FBXO38: variants seen among roughly 807,000 people sequenced by gnomAD.
FBXO38 encodes the protein F-box only protein 38.
Under a neutral mutation model 131.9 loss-of-function variants are expected in FBXO38, and 53 were observed. The ratio of observed to expected loss-of-function variants is 0.40; its 90% CI spans 0.32 to 0.51. The LOEUF (loss-of-function observed/expected upper bound fraction) is 0.51, where lower values mean the gene tolerates loss of function less well. Ranked by LOEUF, FBXO38 falls within the 20% of genes least tolerant of loss-of-function variation. FBXO38 has a pLI of 0.53. For missense variants in FBXO38, 1,076 were observed against 1,475.6 expected, an observed-to-expected ratio of 0.73 and a Z score of 4.44; for synonymous variants, 452 against 505.6, an observed-to-expected ratio of 0.89 and a Z score of 1.42.
intron 1 of FBXO38, among the ~76,000 whole-genome samples, chr5:148,384,311 C>T (rs1757796872): frequency 1.3e-5 from 2 of 152,196 alleles, no homozygotes; most frequent in South Asian, 4.1e-4. Context: ...CCCCAGTTTC[C>T]TCAATGAAAT....
At chr5:148,438,605 A>G in intron 18 of FBXO38, 107 bp downstream of exon 18, 2 of 1,133,002 alleles carry the variant, frequency 1.8e-6, no homozygotes, top group Non-Finnish European at 2.5e-6. Flanking sequence ...TCACTTGCCC[A>G]ACCTACAGTA....
At chr5:148,428,192 G>A (rs779930473) in intron 15 of FBXO38, among the ~76,000 whole-genome samples, 41 of 152,202 alleles carry the variant, frequency 2.7e-4, no homozygotes, top group Non-Finnish European at 5.7e-4. Context: ...ATGTCATTGT[G>A]TATATTTACC....
intron 15 of FBXO38, among the ~76,000 whole-genome samples, chr5:148,431,269 C>T (rs1440259413): frequency 6.6e-6 from 1 of 152,206 alleles, no homozygotes; most frequent in Non-Finnish European, 1.5e-5. Flanking sequence ...AATTAATTGT[C>T]TCTAAACAGG....
chr5:148,416,878 A>T, intron 11 of FBXO38, 116 bp from the exon 12 acceptor site: 1 of 661,816 alleles, frequency 1.5e-6, no homozygotes, highest in African/African-American at 1.8e-5. Flanking sequence ...GCATTTCATA[A>T]ATAAGTACTA....
chr5:148,432,471 A>G (rs1369989635), intron 15 of FBXO38, among the ~76,000 whole-genome samples: 1 of 152,174 alleles, frequency 6.6e-6, no homozygotes, highest in Admixed American at 6.5e-5. Context: ...CCTGGTTCCC[A>G]TTTAACACTG....
At chr5:148,393,871 ACAAT>A (rs1353130167) in intron 1 of FBXO38, among the ~76,000 whole-genome samples, 1 of 152,128 alleles carries the variant, frequency 6.6e-6, no homozygotes, top group East Asian at 1.9e-4. Flanking sequence ...AGACAATTTG[ACAAT>A]CAAGGTGTTA....
chr5:148,401,126 G>A (rs1752128175), intron 3 of FBXO38, among the ~76,000 whole-genome samples: 1 of 152,096 alleles, frequency 6.6e-6, no homozygotes, highest in African/African-American at 2.4e-5. Flanking sequence ...GTTCTTGACA[G>A]TTAATGTTTT....
chr5:148,402,029 G>T lies in FBXO38; in HGVS notation c.310G>T (p.Val104Phe). Residue 104 changes from valine (V) to phenylalanine (F), a missense_variant, in exon 4 of 22, where the codon GTT becomes TTT. Transcript: ENST00000340253. Reference protein sequence around the residue: ...FLTLLKKMPDVEQLYGLHPRY... With the variant: ...FLTLLKKMPDFEQLYGLHPRY... ...AACACTATTAAAGAAGATGCCAGATGTTGAACAGCTATATGGCCTTCACCC... is the reference window on the plus strand; with the variant it reads ...AACACTATTAAAGAAGATGCCAGATTTTGAACAGCTATATGGCCTTCACCC... 1 of 1,613,316 alleles carries T rather than the reference G, an allele frequency of 6.2e-7. No homozygotes were observed. Among genetic ancestry groups the T allele is most frequent in the Non-Finnish European group, 8.5e-7 (1 of 1,179,410 alleles).
At chr5:148,434,778 CTT>C (rs1754248153) in intron 17 of FBXO38, 1 of 152,128 alleles carries the variant, frequency 6.6e-6, no homozygotes, top group African/African-American at 2.4e-5. Context: ...TTTTAAAAAA[CTT>C]TACGTGCCTT....
At chr5:148,420,047 G>C (rs76462477) in intron 12 of FBXO38, among the ~76,000 whole-genome samples, 2,582 of 151,720 alleles carry the variant, frequency 0.017, 72 homozygotes, top group East Asian at 0.069. Flanking sequence ...TTGTGAGCTA[G>C]TTAGCTGAAA....
chr5:148,387,893 T>C (rs1249369045), intron 1 of FBXO38, among the ~76,000 whole-genome samples: 4 of 152,138 alleles, frequency 2.6e-5, no homozygotes, highest in East Asian at 1.9e-4. Context: ...GGTTTCACTA[T>C]GTTGGCCAGA....
chr5:148,426,457 A>T (rs1414501432), intron 14 of FBXO38, among the ~76,000 whole-genome samples: 6 of 152,212 alleles, frequency 3.9e-5, no homozygotes, highest in African/African-American at 1.4e-4. Context: ...TTGACTCATT[A>T]TTCAATTTTT....
intron 17 of FBXO38, among the ~76,000 whole-genome samples, chr5:148,435,726 CG>C (rs1754313838): frequency 6.6e-6 from 1 of 152,050 alleles, no homozygotes; most frequent in East Asian, 1.9e-4. Context: ...GCCGAGACTG[CG>C]CAGCTGCACT....
At position 148,401,967 on chromosome 5, in the gene FBXO38, T is replaced by G; in HGVS notation, c.263-15T>G. On this transcript the variant is annotated splice_polypyrimidine_tract_variant and intron_variant, in intron 3 of 21. Transcript: ENST00000340253. ...GAAAGATGAACCTGGCTCTAAATAC[T>G]TCTGAACTTCTCAGGCTTTACAGAT... 1 of 1,587,832 alleles carries G rather than the reference T, an allele frequency of 6.3e-7. No homozygotes were observed. Among genetic ancestry groups the G allele is most frequent in the Non-Finnish European group, 8.6e-7 (1 of 1,160,258 alleles).
chr5:148,433,822 T>TCC (rs1754184267), intron 17 of FBXO38, 85 bp downstream of exon 17: 5 of 676,914 alleles, frequency 7.4e-6, no homozygotes, highest in African/African-American at 7.3e-5. Flanking sequence ...ATAGCATTAC[T>TCC]GTCTTATTTT....
intron 13 of FBXO38, among the ~76,000 whole-genome samples, chr5:148,425,046 G>C (rs1753637330): frequency 6.6e-6 from 1 of 152,166 alleles, no homozygotes; most frequent in Non-Finnish European, 1.5e-5. Context: ...TACATCTAAT[G>C]AGATAGATCT....
rs10043775 is a variant in FBXO38 at position 148,425,557 on chromosome 5, T to C, written c.1774T>C (p.Ser592Pro). The C allele has an allele frequency of 0.27, 431,648 of 1,612,442 alleles. 58,593 individuals carry two copies. Among genetic ancestry groups the C allele is most frequent in the African/African-American group, 0.3 (22,312 of 74,818 alleles). The part of the protein sequence containing the change: ...SGLQRVVKPT[S>P]ITVHDSESDD... ...TCTTCAGCGTGTAGTAAAACCAACC[T>C]CAATTACTGTTCATGATTCAGAGAG... The change falls in exon 14 of 22, where the codon TCA (serine) becomes CCA (proline). Residue 592 changes from serine to proline, a missense_variant. Around this residue, in one of 8 missense-constraint regions of FBXO38, gnomAD observed 212 missense variants for 221.2 expected, o/e 0.96. Coordinates refer to ENST00000340253, the MANE Select transcript of FBXO38 (RefSeq NM_205836.3).
chr5:148,425,712 G>T lies in FBXO38; in HGVS notation c.1918+11G>T, dbSNP rs746955866. 16 of 1,610,044 alleles carry T rather than the reference G, an allele frequency of 9.9e-6. No individual in the cohort carries two copies. In the East Asian group the frequency reaches 3.1e-4, roughly 31 times the overall value. ...CCAGAGAATTGTCAGGTGAGAAATT[G>T]TCTTTCTCTGAACTATTAATGAGAG... On this transcript the variant is annotated intron_variant, in intron 14 of 21. Coordinates refer to ENST00000340253, the MANE Select transcript of FBXO38 (RefSeq NM_205836.3).
rs1427838296 is a variant in FBXO38, at chr5:148,441,008, A to C, written c.3275-116A>C. On this transcript the variant is annotated intron_variant, in intron 20 of 21. Transcript: ENST00000340253. ...TAGTTTGATAGCTGGAAATGATTTG[A>C]GGACACCTGACTCACTCTCTTTATT... is the stretch of plus-strand genomic sequence containing the variant. 3 of 722,762 alleles carry C rather than the reference A, an allele frequency of 4.2e-6. No homozygotes were observed. The African/African-American group carries it at 5.3e-5, about 13-fold the overall frequency. 44.8% of individuals were successfully genotyped at this position (722,762 alleles called of 1,614,324 possible).
Sources: allele counts gnomAD v4.1 joint callset (sites outside exome capture counted in the v4.1 genomes callset), GRCh38; gene constraint gnomAD v4.1.1; regional missense constraint gnomAD v4.1.1; transcripts MANE v1.5; gene names NCBI Gene and HGNC (gene_info 2026-07-23, HGNC 2026-07-21).